Variants in EIF4G3 observed in about 807,000 individuals in gnomAD.
EIF4G3 encodes the protein eukaryotic translation initiation factor 4 gamma 3.
EIF4G3 carries 34 observed loss-of-function variants against 186.4 expected under a neutral mutation model. The ratio of observed to expected loss-of-function variants is 0.18; its 90% CI spans 0.14 to 0.24. EIF4G3 has a LOEUF of 0.24. Among genes scored for constraint, EIF4G3 ranks in the 10% least tolerant of loss-of-function variants. The probability of loss-of-function intolerance (pLI) is 1.00; values close to 1 mark genes in which losing one functional copy is unlikely to be tolerated. For synonymous variants in EIF4G3, 673 were observed against 679.5 expected (o/e 0.99, Z 0.15); for missense variants, 1,536 against 1,948.5 (o/e 0.79, Z 3.99).
At chr1:20,949,917 G>C (rs2096130288) in intron 13 of EIF4G3, 86 bp downstream of exon 13, 1 of 1,125,170 alleles carries the variant, frequency 8.9e-7, no homozygotes. Flanking sequence ...CTTGGATGCT[G>C]TACTCTTACT....
chr1:21,056,557 T>C (rs1250653326), intron 3 of EIF4G3, among the ~76,000 whole-genome samples: 1 of 152,200 alleles, frequency 6.6e-6, no homozygotes, highest in Non-Finnish European at 1.5e-5. Context: ...AAAATTGTCA[T>C]AGATAAAAAT....
chr1:20,885,767 A>T (rs2083916526), intron 19 of EIF4G3, among the ~76,000 whole-genome samples: 1 of 152,252 alleles, frequency 6.6e-6, no homozygotes, highest in African/African-American at 2.4e-5. Context: ...GATTCAAAGA[A>T]TTAAATTTTA....
intron 2 of EIF4G3, among the ~76,000 whole-genome samples, chr1:21,157,829 T>C (rs767597122): frequency 6.6e-6 from 1 of 152,216 alleles, no homozygotes; most frequent in Non-Finnish European, 1.5e-5. Flanking sequence ...AAGATTCCAC[T>C]AGTCTTTCCT....
At chr1:21,111,486 T>C (rs2096725323) in intron 2 of EIF4G3, 1 of 411,184 alleles carries the variant, frequency 2.4e-6, no homozygotes, top group Admixed American at 2.9e-5. Flanking sequence ...GAGTTTTCCT[T>C]TCCGTGGACT....
At chr1:20,971,492 G>A (rs1458326563) in intron 11 of EIF4G3, among the ~76,000 whole-genome samples, 1 of 152,086 alleles carries the variant, frequency 6.6e-6, no homozygotes. Flanking sequence ...CTTCTATCAT[G>A]CTGATTCAAC....
intron 22 of EIF4G3, among the ~76,000 whole-genome samples, chr1:20,864,110 T>TA (rs1363678214): frequency 2.6e-5 from 4 of 152,236 alleles, no homozygotes; most frequent in African/African-American, 9.6e-5. Context: ...TGTCATCAAT[T>TA]AGAGTATAAA....
intron 3 of EIF4G3, among the ~76,000 whole-genome samples, chr1:21,087,637 A>AT (rs2096032494): frequency 2.6e-5 from 4 of 151,216 alleles, no homozygotes; most frequent in African/African-American, 9.7e-5. Context: ...TACCAAAAAA[A>AT]ATTTTTTTTT....
chr1:21,002,925 C>T (rs924850762), intron 4 of EIF4G3, 117 bp from the exon 5 acceptor site: 6 of 531,516 alleles, frequency 1.1e-5, no homozygotes, highest in Non-Finnish European at 2.0e-5. Context: ...TTATATTCTA[C>T]TTTTTAAAAA....
chr1:20,967,204 G>A (rs925717366), intron 12 of EIF4G3, among the ~76,000 whole-genome samples: 3 of 152,000 alleles, frequency 2.0e-5, no homozygotes, highest in African/African-American at 7.2e-5. Context: ...CACCCCACAG[G>A]GCATTTAAGT....
At chr1:20,952,800 A>G (rs1170026034) in intron 12 of EIF4G3, among the ~76,000 whole-genome samples, 1 of 152,182 alleles carries the variant, frequency 6.6e-6, no homozygotes, top group South Asian at 2.1e-4. Context: ...CAGTGAGCCG[A>G]GGTCGCGCCA....
At chr1:21,101,666 A>T (rs1358530179) in intron 2 of EIF4G3, among the ~76,000 whole-genome samples, 2 of 151,512 alleles carry the variant, frequency 1.3e-5, no homozygotes, top group Non-Finnish European at 2.9e-5. Flanking sequence ...ACTCATTCCA[A>T]CAGACATTCC....
intron 3 of EIF4G3, among the ~76,000 whole-genome samples, chr1:21,061,449 C>A (rs2094908023): frequency 6.6e-6 from 1 of 152,072 alleles, no homozygotes; most frequent in Non-Finnish European, 1.5e-5. Flanking sequence ...ATCAGAGATT[C>A]AAATGGAAAT....
chr1:20,819,853 A>G lies in EIF4G3; in HGVS notation c.4369-2315T>C, dbSNP rs921063370. 2.0e-5 allele frequency among the ~76,000 whole-genome samples: 3 copies of G among 152,186 alleles called. No individual in the cohort carries two copies. The East Asian group carries it at 5.8e-4, about 29-fold the overall frequency. On this transcript the variant is annotated intron_variant, in intron 33 of 36. Transcript: ENST00000602326. ...CTTAAAATAAAAGTTAAATTAACAA[A>G]AAAAGAGGACTCAGGGAGAGGGAGT...
intron 2 of EIF4G3, among the ~76,000 whole-genome samples, chr1:21,101,562 G>GAGAAAAAAAAAA (rs1553241663): frequency 3.4e-4 from 12 of 35,372 alleles, no homozygotes; most frequent in Non-Finnish European, 5.3e-4. Flanking sequence ...AGGGTCTCAG[G>GAGAAAAAAAAAA]AAAAAAAAAA....
chr1:21,037,898 G>A (rs2093330461), intron 4 of EIF4G3, among the ~76,000 whole-genome samples: 1 of 152,106 alleles, frequency 6.6e-6, no homozygotes, highest in African/African-American at 2.4e-5. Flanking sequence ...CTCAATGCTG[G>A]GTGCACATTA....
chr1:20,873,623 C>T (rs1424352610), intron 20 of EIF4G3, among the ~76,000 whole-genome samples: 1 of 129,518 alleles, frequency 7.7e-6, no homozygotes, highest in Non-Finnish European at 1.7e-5. Flanking sequence ...ATTTTTTTTT[C>T]AATCTAGTGG....
intron 7 of EIF4G3, among the ~76,000 whole-genome samples, chr1:20,989,069 AGGGGAGGGGAGG>A (rs2080311403): frequency 5.2e-5 from 1 of 19,174 alleles, no homozygotes; most frequent in African/African-American, 2.6e-4. Context: ...AGGGGAGGGG[AGGGGAGGGGAGG>A]GGAGAGGAGA....
At chr1:20,879,746 T>C (rs753790721) in intron 19 of EIF4G3, among the ~76,000 whole-genome samples, 1 of 152,150 alleles carries the variant, frequency 6.6e-6, no homozygotes, top group Non-Finnish European at 1.5e-5. Flanking sequence ...ATATACACAC[T>C]TAGCTGGTGG....
At chr1:21,153,704 ATAGGTATGTGCCACCACACCC>A (rs2097585385) in intron 2 of EIF4G3, among the ~76,000 whole-genome samples, 1 of 152,156 alleles carries the variant, frequency 6.6e-6, no homozygotes, top group African/African-American at 2.4e-5. Context: ...AGCTGGGATT[ATAGGTATGTGCCACCACACCC>A]GACTAATTTT....
Sources: gnomAD v4.1 joint callset for allele counts (sites outside exome capture counted in the v4.1 genomes callset) on GRCh38, gnomAD v4.1.1 for gene constraint, MANE v1.5 for transcripts, NCBI Gene and HGNC (gene_info 2026-07-23, HGNC 2026-07-21) for gene names.